ATRNL1: variants seen among roughly 807,000 people sequenced by gnomAD.
ATRNL1 encodes attractin like 1.
A neutral mutation model predicts 182.7 loss-of-function variants in ATRNL1; 95 were observed. The observed-to-expected ratio is 0.52, with a 90% CI of 0.44 to 0.62. ATRNL1 has a LOEUF of 0.62. Ranked by LOEUF, ATRNL1 falls within the 20% of genes least tolerant of loss-of-function variation. The pLI, the probability that ATRNL1 is intolerant of heterozygous loss-of-function variation, is 0.00. For missense variants in ATRNL1, 1,471 were observed against 1,679.5 expected (o/e 0.88, Z 2.17); for synonymous variants, 576 against 568.3 (o/e 1.01, Z -0.19).
intron 26 of ATRNL1, among the ~76,000 whole-genome samples, chr10:115,563,036 T>A (rs560681495): frequency 6.6e-6 from 1 of 152,158 alleles, no homozygotes; most frequent in Non-Finnish European, 1.5e-5. Context: ...TACTACACAG[T>A]ATATTTCTTA....
At chr10:115,275,703 T>C (rs193160933) in intron 13 of ATRNL1, among the ~76,000 whole-genome samples, 162 of 152,306 alleles carry the variant, frequency 1.1e-3, no homozygotes, top group Middle Eastern at 6.8e-3. Flanking sequence ...TCTTCAAGGA[T>C]GCCAGTGCTC....
intron 18 of ATRNL1, among the ~76,000 whole-genome samples, chr10:115,329,121 G>GT (rs1438614884): frequency 2.6e-5 from 4 of 151,676 alleles, no homozygotes; most frequent in Non-Finnish European, 5.9e-5. Context: ...GCCAGCATTT[G>GT]TTTTTTTCAC....
intron 19 of ATRNL1, among the ~76,000 whole-genome samples, chr10:115,391,060 T>C (rs577838032): frequency 6.6e-6 from 1 of 152,278 alleles, no homozygotes; most frequent in East Asian, 1.9e-4. Flanking sequence ...ATCTTTAGGG[T>C]TTTCTGTAGA....
intron 27 of ATRNL1, among the ~76,000 whole-genome samples, chr10:115,765,386 T>C (rs1948832498): frequency 6.6e-6 from 1 of 152,220 alleles, no homozygotes; most frequent in African/African-American, 2.4e-5. Context: ...TAGTATCTCA[T>C]TGCTGTTTTA....
intron 27 of ATRNL1, among the ~76,000 whole-genome samples, chr10:115,801,088 G>A (rs979492970): frequency 6.6e-6 from 1 of 152,164 alleles, no homozygotes; most frequent in Non-Finnish European, 1.5e-5. Context: ...CCTAAACACA[G>A]GCTTGCCCAT....
chr10:115,547,154 C>T (rs111550693), intron 25 of ATRNL1, among the ~76,000 whole-genome samples: 3,993 of 151,680 alleles, frequency 0.026, 147 homozygotes, highest in African/African-American at 0.09. Context: ...ACTCAGGAGG[C>T]TGAGGTGGGA....
chr10:115,861,413 G>C (rs1951313985), intron 28 of ATRNL1, among the ~76,000 whole-genome samples: 1 of 152,184 alleles, frequency 6.6e-6, no homozygotes, highest in Non-Finnish European at 1.5e-5. Context: ...GTGCATGTTG[G>C]TGCTAATGTC....
intron 19 of ATRNL1, among the ~76,000 whole-genome samples, chr10:115,388,602 C>T (rs1339509195): frequency 2.6e-5 from 4 of 151,898 alleles, no homozygotes; most frequent in Admixed American, 2.0e-4. Context: ...TAAGCCTATT[C>T]ATCTTCATTG....
intron 25 of ATRNL1, among the ~76,000 whole-genome samples, chr10:115,543,687 A>G (rs539366114): frequency 3.9e-5 from 6 of 152,290 alleles, no homozygotes; most frequent in Non-Finnish European, 8.8e-5. Flanking sequence ...ATGTAACGTT[A>G]TAGCACACTA....
intron 3 of ATRNL1, among the ~76,000 whole-genome samples, chr10:115,123,364 C>T (rs746955436): frequency 4.6e-5 from 7 of 152,144 alleles, no homozygotes; most frequent in Non-Finnish European, 8.8e-5. Context: ...AAGTTATTTG[C>T]TTCTAATAGA....
intron 10 of ATRNL1, among the ~76,000 whole-genome samples, chr10:115,259,600 G>A (rs921089677): frequency 5.3e-5 from 8 of 152,254 alleles, no homozygotes; most frequent in East Asian, 1.9e-4. Flanking sequence ...ACCCTGCTTC[G>A]GCTCGCCCTC....
chr10:115,124,697 T>C (rs1023170831), intron 3 of ATRNL1, among the ~76,000 whole-genome samples: 3 of 152,158 alleles, frequency 2.0e-5, no homozygotes, highest in African/African-American at 7.2e-5. Context: ...TATCTTTAGC[T>C]TAAATTAATT....
intron 5 of ATRNL1, among the ~76,000 whole-genome samples, chr10:115,154,765 A>G (rs1374492761): frequency 1.1e-4 from 16 of 152,100 alleles, no homozygotes; most frequent in Admixed American, 6.6e-4. Context: ...TGATCTGTCT[A>G]ATGCTGAGAG....
intron 26 of ATRNL1, among the ~76,000 whole-genome samples, chr10:115,641,659 T>C (rs1859254249): frequency 6.6e-6 from 1 of 152,174 alleles, no homozygotes; most frequent in South Asian, 2.1e-4. Context: ...CATAATTTTC[T>C]CATAAAACAT....
intron 28 of ATRNL1, among the ~76,000 whole-genome samples, chr10:115,920,126 C>G (rs1479266639): frequency 6.6e-6 from 1 of 152,196 alleles, no homozygotes; most frequent in Admixed American, 6.5e-5. Context: ...CCTAACAACT[C>G]AAAATCTAGA....
At chr10:115,303,500 C>T (rs1003238035) in intron 17 of ATRNL1, among the ~76,000 whole-genome samples, 4 of 152,106 alleles carry the variant, frequency 2.6e-5, no homozygotes, top group Non-Finnish European at 5.9e-5. Flanking sequence ...GGATTACAAG[C>T]GTGAGCCACC....
chr10:115,492,055 C>T lies in ATRNL1; in HGVS notation c.3654+22726C>T, dbSNP rs537068121. 3.3e-5 allele frequency among the ~76,000 whole-genome samples: 5 copies of T among 152,264 alleles called. No homozygotes were observed. The East Asian group carries it at 7.8e-4, about 24-fold the overall frequency. On this transcript the variant is annotated intron_variant, in intron 24 of 28. Coordinates refer to ENST00000355044, the MANE Select transcript of ATRNL1 (RefSeq NM_207303.4). ...GATGCCCTATCCTGCTTCAGCTCAC[C>T]CTCTGTGGGCTGTACCCACTGCCCA...
chr10:115,151,193 T>C (rs1157155556), intron 5 of ATRNL1, among the ~76,000 whole-genome samples: 2 of 152,208 alleles, frequency 1.3e-5, no homozygotes, highest in African/African-American at 2.4e-5. Flanking sequence ...CGTGTGCATG[T>C]GTCTTTATAG....
rs192622261 is a variant in ATRNL1, at chr10:115,614,706, G to A, written c.3795+65170G>A. Among the ~76,000 whole-genome samples the A allele has an allele frequency of 7.9e-4, 119 of 151,438 alleles. 1 individual carries two copies. Among genetic ancestry groups the A allele is most frequent in the African/African-American group, 2.5e-3 (104 of 41,374 alleles). On this transcript the variant is annotated intron_variant, in intron 26 of 28. Transcript: ENST00000355044. ...TTTATACATCTGTGTGCTCCAGTGC[G>A]TGTGTGTGTGTGTGCATATTTACAA...
Sources: allele counts gnomAD v4.1 joint callset (sites outside exome capture counted in the v4.1 genomes callset), GRCh38; gene constraint gnomAD v4.1.1; transcripts MANE v1.5; gene names NCBI Gene and HGNC (gene_info 2026-07-23, HGNC 2026-07-21).